Variants in SLC35D1 observed in about 807,000 individuals in gnomAD.
The protein encoded by SLC35D1 is nucleotide sugar transporter SLC35D1.
A neutral mutation model predicts 46.7 loss-of-function variants in SLC35D1; 31 were observed. That is an observed-to-expected ratio of 0.66 (90% confidence interval 0.50 to 0.90). SLC35D1 has a LOEUF of 0.90. SLC35D1 is among the 40% of genes least tolerant of loss of function. The pLI is 0.00. For synonymous variants in SLC35D1, 195 were observed against 164.6 expected, an observed-to-expected ratio of 1.18 and a Z score of -1.41; for missense variants, 397 against 426.2, an observed-to-expected ratio of 0.93 and a Z score of 0.60.
the SLC35D1 span, among the ~76,000 whole-genome samples, chr1:66,973,475 G>C: frequency 6.6e-6 from 1 of 152,016 alleles, no homozygotes. Context: ...AGGAGCTTCT[G>C]TGTCGATAAA....
rs538739352 is a variant in SLC35D1, at chr1:67,034,569, A to T, written c.729+7667T>A. ...ATCCTGCAATTTTAGTGAATTTATC[A>T]GTTCTAATAGTTTTTTGGTAGAGTC... On this transcript the variant is annotated intron_variant, in intron 8 of 11. Transcript: ENST00000235345. Among the ~76,000 whole-genome samples, 5 of 152,248 alleles carry T rather than the reference A, an allele frequency of 3.3e-5. No homozygotes were observed. The South Asian group carries it at 1.0e-3, about 32-fold the overall frequency.
In SLC35D1 at chr1:67,003,929, AG is replaced by A. The variant is rs1201475044; in HGVS notation, c.*410del. 1 of 206,048 alleles carries A rather than the reference AG, an allele frequency of 4.9e-6. No individual in the cohort carries two copies. Among genetic ancestry groups the A allele is most frequent in the African/African-American group, 2.3e-5 (1 of 42,642 alleles). 12.8% of individuals were successfully genotyped at this position (206,048 alleles called of 1,614,324 possible). ...ACATATTCGTCTGCATTTCCAGCAG[AG>A]GAAAGGCTAAACTGCCTCCAGATGC... On this transcript the variant is annotated 3_prime_UTR_variant, in exon 12 of 12. Coordinates refer to ENST00000235345, the MANE Select transcript of SLC35D1 (RefSeq NM_015139.3).
chr1:67,051,323 G>C (rs1168956128), intron 4 of SLC35D1, among the ~76,000 whole-genome samples: 3 of 152,132 alleles, frequency 2.0e-5, no homozygotes, highest in Non-Finnish European at 4.4e-5. Context: ...TAGCTTGTGT[G>C]GTAGTGGTGA....
the SLC35D1 span, among the ~76,000 whole-genome samples, chr1:66,976,929 AGT>A: frequency 1.3e-5 from 2 of 152,174 alleles, no homozygotes; most frequent in African/African-American, 4.8e-5. Flanking sequence ...TAGACTTTTC[AGT>A]GTCTTATGAA....
intron 1 of SLC35D1, 54 bp downstream of exon 1, chr1:67,053,751 GCGCCGC>G: frequency 1.4e-6 from 2 of 1,393,150 alleles, no homozygotes; most frequent in Non-Finnish European, 1.9e-6. Context: ...AGCCGGCGCC[GCGCCGC>G]CGCCGCCGCC....
chr1:67,009,002 T>C (rs181763099), intron 11 of SLC35D1, 83 bp downstream of exon 11: 116 of 689,618 alleles, frequency 1.7e-4, no homozygotes, highest in Non-Finnish European at 7.1e-5. Flanking sequence ...AAATGTTCCA[T>C]TAATTTAATA....
rs267607063 is a variant in SLC35D1 at position 67,052,776 on chromosome 1, G to A, written c.319C>T (p.Arg107Ter). ...TATCGCTTTTCTTCTTTTACCTTTC[G>A]AGGTACATTTCTGTCAAGGTCAGGA... is the stretch of plus-strand genomic sequence containing the variant. The part of the protein sequence containing the change: ...KFPDLDRNVP[R>*]KTFPLPLLYF... The change falls in exon 3 of 12, where the codon CGA becomes TGA. Residue 107 changes from arginine to a stop codon, truncating the protein, a stop_gained. Coordinates refer to ENST00000235345, the MANE Select transcript of SLC35D1 (RefSeq NM_015139.3). LOFTEE classifies it high-confidence loss of function. The A allele has an allele frequency of 6.2e-6, 10 of 1,613,832 alleles. No individual in the cohort carries two copies. Among genetic ancestry groups the A allele is most frequent in the Non-Finnish European group, 8.5e-6 (10 of 1,179,916 alleles).
At chr1:66,988,998 T>TGTAA in the SLC35D1 span, among the ~76,000 whole-genome samples, 10 of 152,338 alleles carry the variant, frequency 6.6e-5, no homozygotes, top group African/African-American at 2.4e-4. Context: ...CTCTTTGCCA[T>TGTAA]GTAAGTCTAG....
intron 10 of SLC35D1, among the ~76,000 whole-genome samples, chr1:67,016,224 T>C (rs918095605): frequency 6.6e-6 from 1 of 152,114 alleles, no homozygotes; most frequent in Admixed American, 6.5e-5. Context: ...GTTAAATTGG[T>C]ACATGTCAAT....
At chr1:67,049,000 T>C (rs138802751) in intron 6 of SLC35D1, among the ~76,000 whole-genome samples, 35 of 152,260 alleles carry the variant, frequency 2.3e-4, no homozygotes, top group African/African-American at 7.0e-4. Flanking sequence ...GCATGCAAAA[T>C]TAAGGAACGC....
the SLC35D1 span, among the ~76,000 whole-genome samples, chr1:66,992,942 G>A: frequency 6.6e-6 from 1 of 152,194 alleles, no homozygotes; most frequent in African/African-American, 2.4e-5. Flanking sequence ...TCTTCACAAC[G>A]TTATTTTCCC....
the SLC35D1 span, chr1:66,976,796 A>C: frequency 7.9e-7 from 1 of 1,263,416 alleles, no homozygotes; most frequent in African/African-American, 1.5e-5. Context: ...TGAGTTAATT[A>C]TTATTTTGAT....
chr1:67,049,729 T>C, intron 6 of SLC35D1, 53 bp downstream of exon 6: 1 of 1,464,746 alleles, frequency 6.8e-7, no homozygotes, highest in Non-Finnish European at 9.5e-7. Context: ...AATCATTTAT[T>C]ATCAATAATT....
At position 67,003,981 on chromosome 1, in the gene SLC35D1, C is replaced by T; in HGVS notation, c.*359G>A. 1 of 233,538 alleles carries T rather than the reference C, an allele frequency of 4.3e-6. No individual in the cohort carries two copies. Among genetic ancestry groups the T allele is most frequent in the East Asian group, 1.0e-4 (1 of 9,604 alleles). 14.5% of individuals were successfully genotyped at this position (233,538 alleles called of 1,614,324 possible). ...AGCAACAATTTGAATGATGAAGCTCCAGTTGGCAAACATTACATATGCAGC... is the reference window on the plus strand; with the variant it reads ...AGCAACAATTTGAATGATGAAGCTCTAGTTGGCAAACATTACATATGCAGC... On this transcript the variant is annotated 3_prime_UTR_variant, in exon 12 of 12. Transcript: ENST00000235345.
the SLC35D1 span, among the ~76,000 whole-genome samples, chr1:66,994,163 T>C: frequency 6.6e-6 from 1 of 152,224 alleles, no homozygotes; most frequent in Non-Finnish European, 1.5e-5. Flanking sequence ...AGGTGGGCCA[T>C]GAGCCCTTCG....
chr1:67,053,973 C>A lies in SLC35D1; in HGVS notation c.41G>T (p.Gly14Val), dbSNP rs868172430. 4 of 1,613,312 alleles carry A rather than the reference C, an allele frequency of 2.5e-6. No individual in the cohort carries two copies. In the African/African-American group the frequency reaches 5.3e-5, roughly 22 times the overall value. The change falls in exon 1 of 12, where the codon GGA (glycine) becomes GTA (valine). Residue 14 changes from glycine (G) to valine (V), a missense_variant. By Grantham distance (109) the Gly-to-Val change is moderately radical (BLOSUM62 -3). Coordinates refer to ENST00000235345, the MANE Select transcript of SLC35D1 (RefSeq NM_015139.3). Reference sequence around the variant, plus strand: ...TGTGGAGGATTTCGCGGGGGCTTCTCCTTTAACCCGAGCATGCTGACGTCT... The same window carrying A: ...TGTGGAGGATTTCGCGGGGGCTTCTACTTTAACCCGAGCATGCTGACGTCT... ...VHRRQHARVK[G>V]EAPAKSSTLR...
intron 8 of SLC35D1, among the ~76,000 whole-genome samples, chr1:67,036,615 A>G (rs904267667): frequency 1.3e-5 from 2 of 151,888 alleles, no homozygotes; most frequent in African/African-American, 4.8e-5. Flanking sequence ...TTTGGTCTCC[A>G]TTGGCATGTA....
chr1:67,013,157 G>GATAGATATATATATATATAT (rs1553264879), intron 10 of SLC35D1, among the ~76,000 whole-genome samples: 2 of 29,814 alleles, frequency 6.7e-5, no homozygotes, highest in African/African-American at 3.6e-4. Flanking sequence ...ATATCCTGGA[G>GATAGATATATATATATATAT]ATATATATAT....
chr1:66,987,894 CTT>C, the SLC35D1 span: 2 of 151,874 alleles, frequency 1.3e-5, no homozygotes, highest in African/African-American at 4.9e-5. Context: ...ACAAGAGATC[CTT>C]TCAGTCCCTA....
Sources: allele counts gnomAD v4.1 joint callset (sites outside exome capture counted in the v4.1 genomes callset), GRCh38; gene constraint gnomAD v4.1.1; transcripts MANE v1.5; gene names NCBI Gene and HGNC (gene_info 2026-07-23, HGNC 2026-07-21).